Variants in CSMD3 observed in about 807,000 individuals in gnomAD.
CSMD3 encodes CUB and sushi domain-containing protein 3.
Under a neutral mutation model 435.2 loss-of-function variants are expected in CSMD3, and 177 were observed. That is an observed-to-expected ratio of 0.41 (90% CI 0.36 to 0.46). The LOEUF (loss-of-function observed/expected upper bound fraction) is 0.46. Among genes scored for constraint, CSMD3 ranks in the 20% least tolerant of loss-of-function variants. CSMD3 has a pLI of 0.34. For synonymous variants in CSMD3, 1,656 were observed against 1,520.5 expected (o/e 1.09, Z -2.07); for missense variants, 4,265 against 4,504.6 (o/e 0.95, Z 1.52).
At chr8:113,344,773 T>A (rs1249381292) in intron 1 of CSMD3, among the ~76,000 whole-genome samples, 2 of 152,136 alleles carry the variant, frequency 1.3e-5, no homozygotes, top group African/African-American at 4.8e-5. Flanking sequence ...AGTTCTCTCA[T>A]CACGCAAATA....
chr8:113,052,820 C>T (rs1458918204), intron 5 of CSMD3, among the ~76,000 whole-genome samples: 1 of 152,030 alleles, frequency 6.6e-6, no homozygotes, highest in Non-Finnish European at 1.5e-5. Flanking sequence ...TGTGTTACTG[C>T]ATAACTAAGA....
chr8:112,488,623 C>G lies in CSMD3; in HGVS notation c.5278+3866G>C, dbSNP rs143072380. 8.0e-3 allele frequency among the ~76,000 whole-genome samples: 1,210 copies of G among 152,198 alleles called. 23 individuals carry two copies. The highest frequency in any genetic ancestry group is 0.027 in the African/African-American group (1,121 of 41,530). ...GGATACCTACTGTGGGATGGGACCT[C>G]GGCTGAAAAGCAGCAAAGGGCCAGT... On this transcript the variant is annotated intron_variant, in intron 31 of 70. Transcript: ENST00000297405.
chr8:112,727,245 A>C (rs1437596933), intron 13 of CSMD3, among the ~76,000 whole-genome samples: 1 of 151,876 alleles, frequency 6.6e-6, no homozygotes, highest in Non-Finnish European at 1.5e-5. Flanking sequence ...TCTCAACAAA[A>C]ATGTATCAAA....
intron 4 of CSMD3, among the ~76,000 whole-genome samples, chr8:113,120,414 T>A (rs895040647): frequency 6.6e-6 from 1 of 152,172 alleles, no homozygotes; most frequent in African/African-American, 2.4e-5. Context: ...ATTCTAAGCT[T>A]AGTGTCTGTA....
chr8:113,192,669 AT>A (rs995361851), intron 3 of CSMD3, among the ~76,000 whole-genome samples: 6 of 151,424 alleles, frequency 4.0e-5, no homozygotes, highest in South Asian at 2.1e-4. Context: ...ATATACATAT[AT>A]TTTTTATAGC....
intron 1 of CSMD3, among the ~76,000 whole-genome samples, chr8:113,414,651 C>CAAA (rs780988317): frequency 2.1e-4 from 18 of 85,062 alleles, no homozygotes; most frequent in African/African-American, 5.6e-4. Flanking sequence ...TGCCCAAATA[C>CAAA]AAAAAAAAAA....
intron 10 of CSMD3, among the ~76,000 whole-genome samples, chr8:112,913,907 T>C (rs965139549): frequency 1.3e-5 from 2 of 151,954 alleles, no homozygotes; most frequent in Admixed American, 1.3e-4. Flanking sequence ...ACCATATTCA[T>C]TTTTCTGCAG....
chr8:112,610,448 T>C (rs973452718), intron 22 of CSMD3, among the ~76,000 whole-genome samples: 1 of 152,116 alleles, frequency 6.6e-6, no homozygotes, highest in African/African-American at 2.4e-5. Context: ...GTCTAATATT[T>C]CCCTAGTTCC....
intron 35 of CSMD3, among the ~76,000 whole-genome samples, chr8:112,402,801 T>C (rs547069730): frequency 1.3e-5 from 2 of 152,336 alleles, no homozygotes; most frequent in South Asian, 4.1e-4. Flanking sequence ...TCAAGCAATG[T>C]AATTTCCAAT....
chr8:113,285,207 G>T (rs1288244214), intron 2 of CSMD3, among the ~76,000 whole-genome samples: 5 of 150,996 alleles, frequency 3.3e-5, no homozygotes, highest in African/African-American at 9.7e-5. Flanking sequence ...TGAAGTCATT[G>T]AATTAAAGGT....
chr8:113,128,105 T>C (rs2131667512), intron 4 of CSMD3, among the ~76,000 whole-genome samples: 1 of 152,252 alleles, frequency 6.6e-6, no homozygotes, highest in Admixed American at 6.6e-5. Flanking sequence ...CAGATCTTTG[T>C]TTCTTTCATG....
intron 17 of CSMD3, among the ~76,000 whole-genome samples, chr8:112,663,567 C>A (rs1239707520): frequency 1.3e-5 from 2 of 151,530 alleles, no homozygotes; most frequent in Non-Finnish European, 2.9e-5. Context: ...AGCATACCAA[C>A]GTGGCACATG....
chr8:113,390,176 G>A (rs906386354), intron 1 of CSMD3, among the ~76,000 whole-genome samples: 4 of 151,832 alleles, frequency 2.6e-5, no homozygotes, highest in African/African-American at 9.6e-5. Flanking sequence ...ACTTTTTTGA[G>A]ACAATACATG....
At chr8:112,338,015 C>T (rs905427949) in intron 42 of CSMD3, among the ~76,000 whole-genome samples, 1 of 152,212 alleles carries the variant, frequency 6.6e-6, no homozygotes. Context: ...AAAATGTAAA[C>T]TCTTCTTAAA....
intron 3 of CSMD3, among the ~76,000 whole-genome samples, chr8:113,216,660 T>C (rs1205667842): frequency 1.3e-5 from 2 of 151,952 alleles, no homozygotes; most frequent in Non-Finnish European, 2.9e-5. Context: ...AAAATTACAA[T>C]CCTTGAAGGA....
intron 31 of CSMD3, among the ~76,000 whole-genome samples, chr8:112,482,891 T>G (rs1819768702): frequency 6.6e-6 from 1 of 152,166 alleles, no homozygotes; most frequent in Admixed American, 6.5e-5. Flanking sequence ...AGTTTGTAAT[T>G]CTGTATTTAT....
At chr8:113,326,606 G>A (rs144709227) in intron 1 of CSMD3, among the ~76,000 whole-genome samples, 1 of 152,096 alleles carries the variant, frequency 6.6e-6, no homozygotes, top group African/African-American at 2.4e-5. Context: ...GAAGAAATGT[G>A]TAAGTGTTTT....
At chr8:113,247,417 G>C (rs749327149) in intron 3 of CSMD3, among the ~76,000 whole-genome samples, 2 of 152,046 alleles carry the variant, frequency 1.3e-5, no homozygotes, top group Non-Finnish European at 2.9e-5. Context: ...CTGTGGTTGT[G>C]CACCTAATAG....
At chr8:112,523,982 T>C (rs1824582241) in intron 27 of CSMD3, among the ~76,000 whole-genome samples, 1 of 152,112 alleles carries the variant, frequency 6.6e-6, no homozygotes, top group African/African-American at 2.4e-5. Flanking sequence ...AGTGTTGTAA[T>C]ATACTTCCAA....
Sources: gnomAD v4.1 joint callset for allele counts (sites outside exome capture counted in the v4.1 genomes callset) on GRCh38, gnomAD v4.1.1 for gene constraint, MANE v1.5 for transcripts, NCBI Gene and HGNC (gene_info 2026-07-23, HGNC 2026-07-21) for gene names.